SCFD2: variants seen among roughly 807,000 people sequenced by gnomAD.
SCFD2 encodes the protein sec1 family domain-containing protein 2.
Under a neutral mutation model 58.9 loss-of-function variants are expected in SCFD2, and 54 were observed. The observed-to-expected ratio is 0.92, with a 90% CI of 0.74 to 1.15. The LOEUF (loss-of-function observed/expected upper bound fraction) is 1.15, where lower values mean the gene tolerates loss of function less well. Among genes scored for constraint, SCFD2 ranks in the 50% most tolerant of loss-of-function variants. SCFD2 has a pLI of 0.00. For missense variants in SCFD2, 805 were observed against 836.6 expected (o/e 0.96, Z 0.47); for synonymous variants, 321 against 335.9 (o/e 0.96, Z 0.49).
At chr4:53,212,607 T>TGTGC (rs1553887151) in intron 4 of SCFD2, among the ~76,000 whole-genome samples, 3 of 148,974 alleles carry the variant, frequency 2.0e-5, no homozygotes, top group African/African-American at 7.4e-5. Flanking sequence ...TGTGTGTGTG[T>TGTGC]GCATGTGGTG....
At chr4:53,177,755 A>G (rs1477314597) in intron 4 of SCFD2, among the ~76,000 whole-genome samples, 1 of 152,194 alleles carries the variant, frequency 6.6e-6, no homozygotes, top group Non-Finnish European at 1.5e-5. Flanking sequence ...TTTCCTAGTC[A>G]AAGAAAGCAG....
At chr4:53,238,043 G>A (rs1288591590) in intron 4 of SCFD2, among the ~76,000 whole-genome samples, 8 of 135,076 alleles carry the variant, frequency 5.9e-5, no homozygotes, top group South Asian at 2.4e-4. Flanking sequence ...GTGGCTGGCC[G>A]GGCGGGGGGC....
intron 5 of SCFD2, among the ~76,000 whole-genome samples, chr4:52,940,109 A>G (rs994768675): frequency 1.3e-5 from 2 of 152,238 alleles, no homozygotes; most frequent in African/African-American, 4.8e-5. Flanking sequence ...ACTCTTGGTC[A>G]CATTTATCAG....
Position 52,961,696 on chromosome 4 carries a change from C to T in SCFD2, c.1562-40826G>A, listed in dbSNP as rs951720982. 5.9e-5 allele frequency among the ~76,000 whole-genome samples: 9 copies of T among 152,094 alleles called. No individual in the cohort carries two copies. The South Asian group carries it at 6.2e-4, about 11-fold the overall frequency. ...TCTTATTAGCAAGAGATGCCACTGACGACTTATGGGTGAGAAAATACTGAT... is the reference window on the plus strand; with the variant it reads ...TCTTATTAGCAAGAGATGCCACTGATGACTTATGGGTGAGAAAATACTGAT... On this transcript the variant is annotated intron_variant, in intron 5 of 8. Coordinates refer to ENST00000401642, the MANE Select transcript of SCFD2 (RefSeq NM_152540.4).
At chr4:53,200,948 A>G (rs1227943303) in intron 4 of SCFD2, among the ~76,000 whole-genome samples, 2 of 152,178 alleles carry the variant, frequency 1.3e-5, no homozygotes, top group East Asian at 3.9e-4. Flanking sequence ...AAGTTCAAGT[A>G]TTTCATGGAG....
At chr4:52,884,040 C>T (rs1397563701) in intron 8 of SCFD2, among the ~76,000 whole-genome samples, 1 of 152,202 alleles carries the variant, frequency 6.6e-6, no homozygotes, top group East Asian at 1.9e-4. Context: ...TCCTACCAGG[C>T]CAGTTCTCTT....
At chr4:53,246,229 T>C (rs1018463353) in intron 4 of SCFD2, among the ~76,000 whole-genome samples, 13 of 152,196 alleles carry the variant, frequency 8.5e-5, no homozygotes, top group African/African-American at 2.7e-4. Flanking sequence ...TTCATGCTCA[T>C]GGATAGGAAG....
At chr4:53,120,260 C>G (rs982794455) in intron 5 of SCFD2, among the ~76,000 whole-genome samples, 1 of 152,140 alleles carries the variant, frequency 6.6e-6, no homozygotes, top group South Asian at 2.1e-4. Flanking sequence ...TAATTTAAGA[C>G]AGATATCACT....
chr4:53,198,530 C>T (rs1188271133), intron 4 of SCFD2, among the ~76,000 whole-genome samples: 4 of 151,908 alleles, frequency 2.6e-5, no homozygotes, highest in Admixed American at 6.6e-5. Flanking sequence ...TGTTTAAATG[C>T]TATAAATTTT....
At chr4:53,331,336 A>C (rs1021951014) in intron 2 of SCFD2, among the ~76,000 whole-genome samples, 3 of 152,016 alleles carry the variant, frequency 2.0e-5, no homozygotes. Context: ...AATTGACCAC[A>C]TACTTGGAAG....
At chr4:53,003,741 G>A (rs543056333) in intron 5 of SCFD2, among the ~76,000 whole-genome samples, 18 of 152,198 alleles carry the variant, frequency 1.2e-4, no homozygotes, top group Non-Finnish European at 2.1e-4. Context: ...ACTATGATAA[G>A]TTATGATGTA....
chr4:53,254,942 G>A (rs1012544793), intron 4 of SCFD2, among the ~76,000 whole-genome samples: 2 of 149,244 alleles, frequency 1.3e-5, no homozygotes, highest in African/African-American at 4.9e-5. Context: ...GCGCAATCTT[G>A]GCTCACTGCA....
At chr4:53,360,094 T>C (rs1295351684) in intron 1 of SCFD2, among the ~76,000 whole-genome samples, 1 of 152,166 alleles carries the variant, frequency 6.6e-6, no homozygotes, top group Non-Finnish European at 1.5e-5. Flanking sequence ...TTATTTTTAC[T>C]CACTAATACA....
intron 5 of SCFD2, among the ~76,000 whole-genome samples, chr4:52,988,344 A>G (rs1721544327): frequency 6.6e-6 from 1 of 152,214 alleles, no homozygotes; most frequent in Non-Finnish European, 1.5e-5. Context: ...TAGGGGAAGA[A>G]CTGGATCCCA....
intron 5 of SCFD2, among the ~76,000 whole-genome samples, chr4:53,078,508 G>A (rs556078644): frequency 1.3e-5 from 2 of 152,246 alleles, no homozygotes; most frequent in African/African-American, 4.8e-5. Flanking sequence ...CTAAACAATA[G>A]GGGCTGAATT....
intron 2 of SCFD2, among the ~76,000 whole-genome samples, chr4:53,337,907 C>T (rs1163590752): frequency 6.6e-6 from 1 of 152,096 alleles, no homozygotes; most frequent in Non-Finnish European, 1.5e-5. Flanking sequence ...TAATAATCTG[C>T]CTTTCAGATT....
intron 5 of SCFD2, among the ~76,000 whole-genome samples, chr4:52,937,550 C>G (rs1479144624): frequency 6.6e-6 from 1 of 152,184 alleles, no homozygotes; most frequent in Non-Finnish European, 1.5e-5. Flanking sequence ...TCCTCCATCC[C>G]TTCCCGACAG....
intron 4 of SCFD2, among the ~76,000 whole-genome samples, chr4:53,203,901 C>T (rs1182148263): frequency 6.6e-6 from 1 of 152,122 alleles, no homozygotes; most frequent in Non-Finnish European, 1.5e-5. Context: ...AGTAAAATCA[C>T]ATTTTGGTCT....
chr4:53,202,078 T>C (rs1345123253), intron 4 of SCFD2, among the ~76,000 whole-genome samples: 1 of 152,174 alleles, frequency 6.6e-6, no homozygotes, highest in Non-Finnish European at 1.5e-5. Flanking sequence ...GCTTTTGGTG[T>C]TTTAGACATG....
Sources: gnomAD v4.1 joint callset for allele counts (sites outside exome capture counted in the v4.1 genomes callset) on GRCh38, gnomAD v4.1.1 for gene constraint, MANE v1.5 for transcripts, NCBI Gene and HGNC (gene_info 2026-07-23, HGNC 2026-07-21) for gene names.